ASIC2: variants seen among roughly 807,000 people sequenced by gnomAD.
The protein encoded by ASIC2 is acid-sensing ion channel 2.
ASIC2 carries 25 observed loss-of-function variants against 57.3 expected under a neutral mutation model. The observed-to-expected ratio is 0.44, with a 90% CI of 0.32 to 0.61. The LOEUF is 0.61. Ranked by LOEUF, ASIC2 falls within the 20% of genes least tolerant of loss-of-function variation. ASIC2 has a pLI of 0.06. For missense variants in ASIC2, 641 were observed against 738.1 expected, an observed-to-expected ratio of 0.87 and a Z score of 1.52; for synonymous variants, 319 against 307.5, an observed-to-expected ratio of 1.04 and a Z score of -0.39.
At chr17:33,708,515 G>A (rs1908929055) in intron 1 of ASIC2, among the ~76,000 whole-genome samples, 3 of 152,136 alleles carry the variant, frequency 2.0e-5, no homozygotes, top group African/African-American at 7.2e-5. Context: ...CATTTTACAA[G>A]AGCCTGTCTC....
rs139333005 is a variant in ASIC2, at chr17:33,722,905, A to T, written c.555+433073T>A. 7.2e-5 allele frequency among the ~76,000 whole-genome samples: 11 copies of T among 152,350 alleles called. No individual in the cohort carries two copies. In the South Asian group the frequency reaches 2.3e-3, roughly 32 times the overall value. ...ACCACTATAAACTCCAAGAATGGTT[A>T]AAAAGGCTGAAAAATAGCAAATATT... On this transcript the variant is annotated intron_variant, in intron 1 of 9. Coordinates refer to the ASIC2 transcript ENST00000359872.
intron 1 of ASIC2, among the ~76,000 whole-genome samples, chr17:33,418,871 A>G (rs1249264780): frequency 6.9e-6 from 1 of 144,854 alleles, no homozygotes; most frequent in Non-Finnish European, 1.5e-5. Context: ...CAAACACCAC[A>G]TGTTCTCACT....
Position 33,193,052 on chromosome 17 carries a change from T to C in ASIC2, c.709-80985A>G, listed in dbSNP as rs529509631. On this transcript the variant is annotated intron_variant, in intron 1 of 9. Coordinates refer to ENST00000225823, the MANE Select transcript of ASIC2 (RefSeq NM_183377.2). ...TTGTTCACCCTGGGTTTCGGGGAAA[T>C]GTTTAACCTACTTGATAGAACTAAC... Among the ~76,000 whole-genome samples, 285 of 152,288 alleles carry C rather than the reference T, an allele frequency of 1.9e-3. 1 individual carries two copies. Among genetic ancestry groups the C allele is most frequent in the Middle Eastern group, 3.4e-3 (1 of 294 alleles).
chr17:33,961,801 G>C (rs568741798), intron 1 of ASIC2, among the ~76,000 whole-genome samples: 1 of 152,136 alleles, frequency 6.6e-6, no homozygotes, highest in African/African-American at 2.4e-5. Context: ...AGGCAGGAAG[G>C]TGTCAAGGAA....
At chr17:33,694,105 T>C (rs1032234740) in intron 1 of ASIC2, among the ~76,000 whole-genome samples, 12 of 152,190 alleles carry the variant, frequency 7.9e-5, no homozygotes, top group Non-Finnish European at 1.3e-4. Flanking sequence ...CAGTGTTTCA[T>C]GGCTCTGTGA....
intron 1 of ASIC2, among the ~76,000 whole-genome samples, chr17:33,322,858 A>T (rs1906923416): frequency 6.6e-6 from 1 of 152,206 alleles, no homozygotes; most frequent in Non-Finnish European, 1.5e-5. Context: ...ATCATGAAAG[A>T]TGAGCAAAGA....
intron 1 of ASIC2, chr17:33,581,220 GCTGGCCT>G (rs1904427895): frequency 6.6e-6 from 1 of 152,190 alleles, no homozygotes; most frequent in African/African-American, 2.4e-5. Flanking sequence ...ACTTTCTGTT[GCTGGCCT>G]TGAAGATGCA....
chr17:33,057,627 T>G (rs2092003331), intron 3 of ASIC2, among the ~76,000 whole-genome samples: 1 of 152,218 alleles, frequency 6.6e-6, no homozygotes, highest in South Asian at 2.1e-4. Context: ...GGAACAACCC[T>G]CCAGAGAATG....
intron 1 of ASIC2, among the ~76,000 whole-genome samples, chr17:33,973,809 A>G (rs1905289802): frequency 2.0e-5 from 3 of 152,056 alleles, no homozygotes; most frequent in African/African-American, 7.3e-5. Flanking sequence ...ATTTGCTGTG[A>G]TCCTTGGGGT....
intron 1 of ASIC2, among the ~76,000 whole-genome samples, chr17:33,871,764 T>C (rs1034345099): frequency 6.6e-6 from 1 of 152,034 alleles, no homozygotes; most frequent in Non-Finnish European, 1.5e-5. Flanking sequence ...TGATGAATTA[T>C]GTATGGCTGG....
chr17:33,751,171 G>T (rs988420063), intron 1 of ASIC2, among the ~76,000 whole-genome samples: 2 of 152,184 alleles, frequency 1.3e-5, no homozygotes, highest in African/African-American at 2.4e-5. Flanking sequence ...CAACTGGGCT[G>T]CAGTCGGGAT....
intron 1 of ASIC2, among the ~76,000 whole-genome samples, chr17:33,871,831 C>T (rs544682389): frequency 1.5e-3 from 232 of 152,192 alleles, no homozygotes; most frequent in Middle Eastern, 6.8e-3. Context: ...CAGCACTGGG[C>T]GCTGAGTCAT....
At chr17:33,323,194 G>A (rs149746755) in intron 1 of ASIC2, among the ~76,000 whole-genome samples, 2,134 of 152,264 alleles carry the variant, frequency 0.014, 28 homozygotes, top group Non-Finnish European at 0.02. Flanking sequence ...ATATTCAACG[G>A]AAGTGGATGC....
Position 34,038,393 on chromosome 17 carries a change from C to T in ASIC2, c.555+117585G>A, listed in dbSNP as rs28444956. On this transcript the variant is annotated intron_variant, in intron 1 of 9. Transcript: ENST00000359872. Reference sequence around the variant, plus strand: ...GGGATGGTCCAGCTCTTTATGAATCCGGTATTCCCTACATGCATGCTTGTG... The same window carrying T: ...GGGATGGTCCAGCTCTTTATGAATCTGGTATTCCCTACATGCATGCTTGTG... 3,327 of 1,611,834 alleles carry T rather than the reference C, an allele frequency of 2.1e-3. 55 individuals carry two copies. The African/African-American group carries it at 0.039, about 19-fold the overall frequency.
intron 1 of ASIC2, among the ~76,000 whole-genome samples, chr17:33,302,959 T>G (rs1356251081): frequency 1.3e-5 from 2 of 152,228 alleles, no homozygotes; most frequent in Admixed American, 6.5e-5. Flanking sequence ...TGATTCTGGT[T>G]TGAACATAGA....
intron 1 of ASIC2, among the ~76,000 whole-genome samples, chr17:33,701,717 C>T (rs905912317): frequency 6.6e-6 from 1 of 152,212 alleles, no homozygotes; most frequent in Non-Finnish European, 1.5e-5. Flanking sequence ...CATTCTTACC[C>T]ACTTGATCAT....
intron 1 of ASIC2, among the ~76,000 whole-genome samples, chr17:33,787,888 G>A (rs933160631): frequency 1.3e-5 from 2 of 152,144 alleles, no homozygotes; most frequent in Admixed American, 6.5e-5. Context: ...AACCCTTGAT[G>A]CTATTCTCCT....
At chr17:33,478,876 C>T (rs1332626827) in intron 1 of ASIC2, among the ~76,000 whole-genome samples, 2 of 152,144 alleles carry the variant, frequency 1.3e-5, no homozygotes, top group African/African-American at 2.4e-5. Flanking sequence ...AAGTTATTCT[C>T]GAACCACTAA....
chr17:33,500,259 A>C (rs917158607), intron 1 of ASIC2, among the ~76,000 whole-genome samples: 12 of 152,098 alleles, frequency 7.9e-5, no homozygotes, highest in African/African-American at 2.7e-4. Flanking sequence ...GTGTGACAGC[A>C]GCATAGCAGC....
Sources: allele counts gnomAD v4.1 joint callset (sites outside exome capture counted in the v4.1 genomes callset), GRCh38; gene constraint gnomAD v4.1.1; transcripts MANE v1.5; gene names NCBI Gene and HGNC (gene_info 2026-07-23, HGNC 2026-07-21).